The following GSG1L variants were observed in gnomAD, a reference collection of about 807,000 sequenced individuals.
GSG1L encodes GSG1 like.
In GSG1L, 24 loss-of-function variants were observed where a neutral mutation model predicts 42.1. The ratio of observed to expected loss-of-function variants is 0.57; its 90% CI spans 0.41 to 0.80. The LOEUF (loss-of-function observed/expected upper bound fraction) is 0.80, where lower values mean the gene tolerates loss of function less well. Among genes scored for constraint, GSG1L ranks in the 30% least tolerant of loss-of-function variants. The pLI is 0.00. For synonymous variants in GSG1L, 215 were observed against 203.5 expected, an observed-to-expected ratio of 1.06 and a Z score of -0.48; for missense variants, 445 against 472.2, an observed-to-expected ratio of 0.94 and a Z score of 0.53.
At chr16:27,959,840 A>C (rs1474500723) in intron 2 of GSG1L, among the ~76,000 whole-genome samples, 1 of 152,196 alleles carries the variant, frequency 6.6e-6, no homozygotes. Context: ...GAATGAAAGG[A>C]GGTAACCACT....
chr16:28,062,708 G>A (rs904802124), intron 1 of GSG1L, among the ~76,000 whole-genome samples: 1 of 152,212 alleles, frequency 6.6e-6, no homozygotes, highest in African/African-American at 2.4e-5. Flanking sequence ...AAAGGAAGAG[G>A]AGGAGGGGGC....
At chr16:27,846,920 G>C (rs1325102886) in intron 3 of GSG1L, among the ~76,000 whole-genome samples, 1 of 143,574 alleles carries the variant, frequency 7.0e-6, no homozygotes, top group Non-Finnish European at 1.5e-5. Context: ...TCGTGCCACT[G>C]CACCCCAGCC....
chr16:28,028,493 C>T (rs1016799758), intron 1 of GSG1L, among the ~76,000 whole-genome samples: 4 of 151,750 alleles, frequency 2.6e-5, no homozygotes, highest in African/African-American at 9.7e-5. Flanking sequence ...TAAACTCTGT[C>T]CACAGTAACA....
rs77785985 is a variant in GSG1L at position 27,911,371 on chromosome 16, A to G, written c.398-26733T>C. ...AGTGGCACATTCTCCATTCACTGCA[A>G]CCTCCGCCTCCCAGGTTCAAGCTAT... On this transcript the variant is annotated intron_variant, in intron 2 of 6. Coordinates refer to ENST00000447459, the MANE Select transcript of GSG1L (RefSeq NM_001109763.2). Among the ~76,000 whole-genome samples the G allele has an allele frequency of 7.5e-3, 1,136 of 150,770 alleles. 11 individuals carry two copies. The highest frequency in any genetic ancestry group is 0.026 in the African/African-American group (1,081 of 40,960).
intron 3 of GSG1L, among the ~76,000 whole-genome samples, chr16:27,867,777 C>G (rs1233183947): frequency 6.6e-6 from 1 of 151,516 alleles, no homozygotes; most frequent in Non-Finnish European, 1.5e-5. Flanking sequence ...CCCACCCACT[C>G]GGCTTCCTCC....
At chr16:27,807,173 A>G (rs112285538) in intron 6 of GSG1L, among the ~76,000 whole-genome samples, 1 of 152,190 alleles carries the variant, frequency 6.6e-6, no homozygotes, top group Admixed American at 6.5e-5. Flanking sequence ...TCTAGCCAGG[A>G]CTGTCCTCCC....
chr16:27,896,505 C>A (rs1425672219), intron 2 of GSG1L, among the ~76,000 whole-genome samples: 8 of 152,188 alleles, frequency 5.3e-5, no homozygotes, highest in African/African-American at 1.7e-4. Context: ...ACCACCATGG[C>A]ACACGTTTAC....
chr16:27,823,079 G>A (rs2083167063), intron 5 of GSG1L, among the ~76,000 whole-genome samples: 1 of 152,240 alleles, frequency 6.6e-6, no homozygotes, highest in Non-Finnish European at 1.5e-5. Flanking sequence ...CCAGATCTGA[G>A]CATTAAGTAT....
At position 27,947,599 on chromosome 16, in the gene GSG1L, A is replaced by AAG. The variant is rs1401836017; in HGVS notation, c.397+15556_397+15557insCT. Among the ~76,000 whole-genome samples, 48 of 86,074 alleles carry AAG rather than the reference A, an allele frequency of 5.6e-4. 1 individual carries two copies. Among genetic ancestry groups the AAG allele is most frequent in the African/African-American group, 2.2e-3 (43 of 19,690 alleles). The allele number at this position is 86,074 out of a possible 152,430, so 56.5% of individuals were successfully genotyped here. A position where few individuals can be genotyped will look rare whatever the true frequency, so the allele number is the denominator to read the frequency against. On this transcript the variant is annotated intron_variant, in intron 2 of 6. Coordinates refer to ENST00000447459, the MANE Select transcript of GSG1L (RefSeq NM_001109763.2). ...AAAGAAAGAAAGAAAGAAAGAAAGA[A>AAG]AAAGAAAGAAAGAAAAAGAAAAGTT...
intron 2 of GSG1L, among the ~76,000 whole-genome samples, chr16:27,902,102 A>G (rs1360802767): frequency 6.6e-6 from 1 of 152,140 alleles, no homozygotes; most frequent in East Asian, 1.9e-4. Flanking sequence ...TCACTGGTTT[A>G]CTGAGGTCTG....
At chr16:27,911,614 G>C (rs1941837384) in intron 2 of GSG1L, among the ~76,000 whole-genome samples, 1 of 152,006 alleles carries the variant, frequency 6.6e-6, no homozygotes, top group Non-Finnish European at 1.5e-5. Flanking sequence ...AATATCCTGG[G>C]TATTTTCTGC....
At chr16:27,830,467 T>C (rs2083262558) in intron 4 of GSG1L, among the ~76,000 whole-genome samples, 1 of 150,502 alleles carries the variant, frequency 6.6e-6, no homozygotes, top group Non-Finnish European at 1.5e-5. Flanking sequence ...CTGAGGACTC[T>C]GCCTTTCTCA....
chr16:27,829,721 G>A (rs144239347), intron 4 of GSG1L, among the ~76,000 whole-genome samples: 201 of 152,152 alleles, frequency 1.3e-3, no homozygotes, highest in African/African-American at 4.1e-3. Context: ...ACCTCCTCAC[G>A]TTCATCGTAA....
At chr16:27,886,297 G>A (rs750582424) in intron 2 of GSG1L, among the ~76,000 whole-genome samples, 88 of 152,114 alleles carry the variant, frequency 5.8e-4, no homozygotes, top group African/African-American at 1.8e-3. Context: ...AAAAGTAGCC[G>A]GGCGTGGTGG....
At chr16:28,038,215 A>T (rs1190731025) in intron 1 of GSG1L, among the ~76,000 whole-genome samples, 1 of 152,104 alleles carries the variant, frequency 6.6e-6, no homozygotes, top group Non-Finnish European at 1.5e-5. Context: ...GGCTCAAGTG[A>T]TCCTCCCACC....
At chr16:28,056,096 G>T (rs1567572472) in intron 1 of GSG1L, among the ~76,000 whole-genome samples, 1 of 152,122 alleles carries the variant, frequency 6.6e-6, no homozygotes, top group Non-Finnish European at 1.5e-5. Flanking sequence ...AGTCCCCAGA[G>T]CCCCAGTACA....
At chr16:27,820,315 G>A (rs1162149378) in intron 5 of GSG1L, among the ~76,000 whole-genome samples, 2 of 152,204 alleles carry the variant, frequency 1.3e-5, no homozygotes, top group Non-Finnish European at 2.9e-5. Context: ...CAGCCCTGTA[G>A]GAAACCAGAG....
intron 2 of GSG1L, among the ~76,000 whole-genome samples, chr16:27,957,109 T>G (rs1169678702): frequency 2.0e-5 from 3 of 152,156 alleles, no homozygotes; most frequent in Non-Finnish European, 4.4e-5. Context: ...AGCACATTGG[T>G]AGGCCAAGGC....
chr16:28,028,124 G>T lies in GSG1L; in HGVS notation c.349+34952C>A, dbSNP rs376788204. 3.2e-4 allele frequency among the ~76,000 whole-genome samples: 49 copies of T among 152,260 alleles called. No individual in the cohort carries two copies. The South Asian group carries it at 4.6e-3, about 14-fold the overall frequency. Reference sequence around the variant, plus strand: ...CTATCACAAGCCCAAGAGTCAGACTGCCCTGGGCCCAAATCCCACCTTCAC... The same window carrying T: ...CTATCACAAGCCCAAGAGTCAGACTTCCCTGGGCCCAAATCCCACCTTCAC... On this transcript the variant is annotated intron_variant, in intron 1 of 6. Transcript: ENST00000447459.
Sources: allele counts gnomAD v4.1 joint callset (sites outside exome capture counted in the v4.1 genomes callset), GRCh38; gene constraint gnomAD v4.1.1; transcripts MANE v1.5; gene names NCBI Gene and HGNC (gene_info 2026-07-23, HGNC 2026-07-21).